The following DCDC2 variants were observed in gnomAD, a reference collection of about 807,000 sequenced individuals.
The protein encoded by DCDC2 is doublecortin domain-containing protein 2.
In DCDC2, 40 loss-of-function variants were observed where a neutral mutation model predicts 50.2. The ratio of observed to expected loss-of-function variants is 0.80; its 90% CI spans 0.62 to 1.04. The LOEUF (loss-of-function observed/expected upper bound fraction) is 1.04. Among genes scored for constraint, DCDC2 ranks in the 50% least tolerant of loss-of-function variants. The pLI, the probability that DCDC2 is intolerant of heterozygous loss-of-function variation, is 0.00. For missense variants in DCDC2, 570 were observed against 581.9 expected (o/e 0.98, Z 0.21); for synonymous variants, 234 against 210.6 (o/e 1.11, Z -0.96).
chr6:24,351,561 G>A (rs1045822791), intron 2 of DCDC2, among the ~76,000 whole-genome samples: 3 of 152,192 alleles, frequency 2.0e-5, no homozygotes, highest in Admixed American at 6.5e-5. Flanking sequence ...CCACAGCAGG[G>A]CAGCAAGAGG....
At chr6:24,358,724 A>G (rs1181303756), upstream of DCDC2, among the ~76,000 whole-genome samples, 2 of 49,350 alleles carry the variant, frequency 4.1e-5, no homozygotes, top group East Asian at 9.9e-4. Context: ...TATTTTATAT[A>G]TTTTATTTTA....
chr6:24,362,701 G>A (rs1215233179), upstream of DCDC2, among the ~76,000 whole-genome samples: 4 of 152,044 alleles, frequency 2.6e-5, no homozygotes, highest in East Asian at 3.8e-4. Flanking sequence ...GCCTAGACTC[G>A]AAACGTTCAC....
At chr6:24,243,886 G>T (rs1016117128) in intron 7 of DCDC2, among the ~76,000 whole-genome samples, 3 of 152,148 alleles carry the variant, frequency 2.0e-5, no homozygotes, top group Admixed American at 1.3e-4. Flanking sequence ...AAACATGAGG[G>T]TCTACAGATA....
upstream of DCDC2, among the ~76,000 whole-genome samples, chr6:24,362,623 C>A (rs545054885): frequency 4.7e-4 from 71 of 152,194 alleles, no homozygotes; most frequent in African/African-American, 1.7e-3. Flanking sequence ...AGTTGCCTCA[C>A]ACGCCAGAAC....
intron 2 of DCDC2, among the ~76,000 whole-genome samples, chr6:24,324,977 A>G (rs115207088): frequency 0.01 from 1,543 of 152,284 alleles, 28 homozygotes; most frequent in African/African-American, 0.034. Flanking sequence ...ACTACATCAA[A>G]GACAGCACAA....
upstream of DCDC2, among the ~76,000 whole-genome samples, chr6:24,362,700 C>T (rs770991490): frequency 6.6e-6 from 1 of 152,120 alleles, no homozygotes; most frequent in Non-Finnish European, 1.5e-5. Flanking sequence ...AGCCTAGACT[C>T]GAAACGTTCA....
At chr6:24,198,840 T>C (rs545662759) in intron 8 of DCDC2, among the ~76,000 whole-genome samples, 1 of 152,220 alleles carries the variant, frequency 6.6e-6, no homozygotes, top group African/African-American at 2.4e-5. Flanking sequence ...TGTCTGCCAT[T>C]ACTAAGGCTT....
At chr6:24,185,901 A>G (rs930596515) in intron 8 of DCDC2, among the ~76,000 whole-genome samples, 5 of 152,182 alleles carry the variant, frequency 3.3e-5, no homozygotes, top group African/African-American at 1.2e-4. Context: ...TAGCAAAACT[A>G]CTGAAGAGGA....
intron 7 of DCDC2, among the ~76,000 whole-genome samples, chr6:24,237,983 C>T (rs12197705): frequency 0.47 from 69,144 of 148,632 alleles, 19,653 homozygotes; most frequent in Non-Finnish European, 0.61. Flanking sequence ...TACTTACTAC[C>T]CAAGTGATGG....
At chr6:24,289,022 G>C in intron 5 of DCDC2, 116 bp from the exon 6 acceptor site, 1 of 701,730 alleles carries the variant, frequency 1.4e-6, no homozygotes, top group South Asian at 2.0e-5. Context: ...TTTCACAAAA[G>C]GTAGATAACA....
intron 7 of DCDC2, among the ~76,000 whole-genome samples, chr6:24,218,612 T>C (rs1762030628): frequency 6.6e-6 from 1 of 152,120 alleles, no homozygotes. Context: ...CTCAGCCTCC[T>C]GAATAGCTGG....
At chr6:24,185,164 C>A (rs1388801108) in intron 8 of DCDC2, among the ~76,000 whole-genome samples, 1 of 152,002 alleles carries the variant, frequency 6.6e-6, no homozygotes, top group Non-Finnish European at 1.5e-5. Flanking sequence ...TTTTTTTCTC[C>A]TTTTAATGCA....
Position 24,357,493 on chromosome 6 carries a change from G to A in DCDC2, c.258C>T (p.Tyr86=), listed in dbSNP as rs1232792336. 8 of 1,610,338 alleles carry A rather than the reference G, an allele frequency of 5.0e-6. No individual in the cohort carries two copies. Among genetic ancestry groups the A allele is most frequent in the Non-Finnish European group, 1.7e-6 (2 of 1,177,852 alleles). Residue 86 remains tyrosine, a synonymous_variant, in exon 1 of 10, where the codon TAC becomes TAT. Transcript: ENST00000378454. The part of the protein sequence containing the change: ...KLDQIQSGGN[Y]VAGGQEAFKK... ...TGAAGGCTTCCTGGCCTCCAGCCACGTAATTGCCCCCGCTCTGGATCTGGT... is the reference window on the plus strand; with the variant it reads ...TGAAGGCTTCCTGGCCTCCAGCCACATAATTGCCCCCGCTCTGGATCTGGT...
chr6:24,271,051 G>A (rs369883365), intron 7 of DCDC2, among the ~76,000 whole-genome samples: 51 of 151,452 alleles, frequency 3.4e-4, no homozygotes, highest in Non-Finnish European at 4.9e-4. Flanking sequence ...GTGAAACCCC[G>A]TCTCTATAAA....
intron 8 of DCDC2, among the ~76,000 whole-genome samples, chr6:24,196,665 C>A (rs188021056): frequency 1.3e-3 from 197 of 152,262 alleles, no homozygotes; most frequent in African/African-American, 4.6e-3. Flanking sequence ...TTTAGGTGAT[C>A]CAGACCACCT....
At chr6:24,372,684 C>T in the DCDC2 span, among the ~76,000 whole-genome samples, 2 of 151,892 alleles carry the variant, frequency 1.3e-5, no homozygotes, top group African/African-American at 4.8e-5. Flanking sequence ...CCAAACACCG[C>T]ATGTTCTCAC....
intron 8 of DCDC2, among the ~76,000 whole-genome samples, chr6:24,190,958 G>A (rs1023297103): frequency 1.2e-4 from 18 of 152,144 alleles, no homozygotes; most frequent in Non-Finnish European, 2.4e-4. Flanking sequence ...TCTTTAAGAT[G>A]TACAGGGAGA....
intron 2 of DCDC2, among the ~76,000 whole-genome samples, chr6:24,336,404 A>C (rs1760058012): frequency 6.6e-6 from 1 of 152,190 alleles, no homozygotes; most frequent in African/African-American, 2.4e-5. Context: ...GTCTTTGTGA[A>C]ATTATGCAAA....
At position 24,213,841 on chromosome 6, in the gene DCDC2, CCT is replaced by C. The variant is rs1340140568; in HGVS notation, c.923-8741_923-8740del. Among the ~76,000 whole-genome samples, 3 of 152,074 alleles carry C rather than the reference CCT, an allele frequency of 2.0e-5. No individual in the cohort carries two copies. The East Asian group carries it at 5.8e-4, about 29-fold the overall frequency. On this transcript the variant is annotated intron_variant, in intron 7 of 9. Coordinates refer to ENST00000378454, the MANE Select transcript of DCDC2 (RefSeq NM_016356.5). ...TCCCTGTCACAACTTATATAATACC[CCT>C]CTTTGCATCACCTTTCTGGATTAAA... is the stretch of plus-strand genomic sequence containing the variant.
Sources: gnomAD v4.1 joint callset for allele counts (sites outside exome capture counted in the v4.1 genomes callset) on GRCh38, gnomAD v4.1.1 for gene constraint, MANE v1.5 for transcripts, NCBI Gene and HGNC (gene_info 2026-07-23, HGNC 2026-07-21) for gene names.